MYT1L: variants seen among roughly 807,000 people sequenced by gnomAD.
The protein encoded by MYT1L is myelin transcription factor 1 like.
Under a neutral mutation model 126.7 loss-of-function variants are expected in MYT1L, and 12 were observed. The observed-to-expected ratio is 0.09, with a 90% confidence interval of 0.06 to 0.15. MYT1L has a LOEUF of 0.15. Among genes scored for constraint, MYT1L ranks in the 10% least tolerant of loss-of-function variants. The pLI is 1.00. For missense variants in MYT1L, 979 were observed against 1,585.2 expected (o/e 0.62, Z 6.49); for synonymous variants, 541 against 604.2 (o/e 0.90, Z 1.53).
At chr2:1,844,707 G>A (rs115377393) in intron 19 of MYT1L, among the ~76,000 whole-genome samples, 1,685 of 152,312 alleles carry the variant, frequency 0.011, 16 homozygotes, top group Non-Finnish European at 0.018. Flanking sequence ...TGGGCACAGA[G>A]AAGGAGCTCT....
intron 3 of MYT1L, among the ~76,000 whole-genome samples, chr2:2,161,306 G>T (rs1008988244): frequency 2.0e-5 from 3 of 152,214 alleles, no homozygotes; most frequent in African/African-American, 7.2e-5. Context: ...TTGATAACAA[G>T]AACTTTTTGT....
intron 9 of MYT1L, 88 bp from the exon 10 acceptor site, chr2:1,923,351 C>T (rs567388853): frequency 1.5e-5 from 16 of 1,099,568 alleles, no homozygotes; most frequent in African/African-American, 3.2e-5. Flanking sequence ...ATGGATAGCA[C>T]GTTAACTGCA....
intron 3 of MYT1L, among the ~76,000 whole-genome samples, chr2:2,054,351 C>T (rs1256527186): frequency 6.7e-6 from 1 of 149,472 alleles, no homozygotes; most frequent in African/African-American, 2.5e-5. Context: ...GATGCATGGA[C>T]ATGAAACACT....
At chr2:1,897,542 A>T (rs2049770338) in intron 14 of MYT1L, among the ~76,000 whole-genome samples, 1 of 152,086 alleles carries the variant, frequency 6.6e-6, no homozygotes, top group African/African-American at 2.4e-5. Flanking sequence ...AACTCATTGC[A>T]ATCTCTGCCT....
At chr2:2,328,086 A>G (rs903659790) in intron 1 of MYT1L, among the ~76,000 whole-genome samples, 4 of 152,186 alleles carry the variant, frequency 2.6e-5, no homozygotes, top group Non-Finnish European at 5.9e-5. Flanking sequence ...TATAAATGTA[A>G]AGTATTTATA....
At chr2:2,109,878 T>TATAC (rs2079185539) in intron 3 of MYT1L, among the ~76,000 whole-genome samples, 1 of 15,654 alleles carries the variant, frequency 6.4e-5, no homozygotes, top group African/African-American at 2.5e-4. Flanking sequence ...GCTGATTTTA[T>TATAC]ATATATATAT....
chr2:1,836,650 A>G (rs2040938353), intron 21 of MYT1L, among the ~76,000 whole-genome samples: 2 of 150,196 alleles, frequency 1.3e-5, no homozygotes, highest in Admixed American at 6.6e-5. Flanking sequence ...CCTGGCCCCA[A>G]TATTTCATCA....
intron 1 of MYT1L, among the ~76,000 whole-genome samples, chr2:2,318,160 T>A (rs530359255): frequency 6.6e-6 from 1 of 152,216 alleles, no homozygotes; most frequent in Non-Finnish European, 1.5e-5. Context: ...AAGCATGAAA[T>A]TTACACTATC....
intron 2 of MYT1L, among the ~76,000 whole-genome samples, chr2:2,260,600 C>T (rs975111622): frequency 6.6e-6 from 1 of 152,130 alleles, no homozygotes; most frequent in Non-Finnish European, 1.5e-5. Context: ...TTTCTTTCGA[C>T]CTTTCTGTTT....
chr2:1,908,353 CA>C (rs1396950934), intron 13 of MYT1L, among the ~76,000 whole-genome samples: 1 of 152,108 alleles, frequency 6.6e-6, no homozygotes, highest in African/African-American at 2.4e-5. Context: ...GAGAGCAGGG[CA>C]GCCTGTAGGT....
chr2:2,147,450 C>T (rs1266907127), intron 3 of MYT1L, among the ~76,000 whole-genome samples: 3 of 152,218 alleles, frequency 2.0e-5, no homozygotes, highest in Admixed American at 6.5e-5. Context: ...CAGGAAGGAC[C>T]GTTCCCTCCA....
chr2:2,113,806 C>T (rs1021155216), intron 3 of MYT1L, among the ~76,000 whole-genome samples: 39 of 152,174 alleles, frequency 2.6e-4, no homozygotes, highest in Non-Finnish European at 5.1e-4. Context: ...AATATTACTG[C>T]CTCCATTACA....
In MYT1L at chr2:1,848,109, TGTG is replaced by T. The variant is rs2042739371; in HGVS notation, c.2774+3529_2774+3531del. Among the ~76,000 whole-genome samples, 1 of 152,176 alleles carries T rather than the reference TGTG, an allele frequency of 6.6e-6. No homozygotes were observed. The highest frequency in any genetic ancestry group is 2.4e-5 in the African/African-American group (1 of 41,456). ...TGAAATCGCTAATTCTCAGCGCATC[TGTG>T]GAGATGGTGGAGGACAGCTCCTCAC... On this transcript the variant is annotated intron_variant, in intron 19 of 24. Transcript: ENST00000647738. The surrounding 1 kb of genome is among the most constrained non-coding windows in gnomAD (Gnocchi z 4.8).
At chr2:2,227,225 A>C (rs1177422456) in intron 2 of MYT1L, among the ~76,000 whole-genome samples, 2 of 151,984 alleles carry the variant, frequency 1.3e-5, no homozygotes, top group Non-Finnish European at 2.9e-5. Context: ...TTCTTTGTTG[A>C]TATCATCTGG....
chr2:1,858,110 C>T (rs1169368765), intron 18 of MYT1L, among the ~76,000 whole-genome samples: 3 of 152,222 alleles, frequency 2.0e-5, no homozygotes, highest in Admixed American at 6.5e-5. Flanking sequence ...GTAATCTGCC[C>T]GCCTTGGCCT....
chr2:2,196,520 T>C (rs2092805021), intron 2 of MYT1L, among the ~76,000 whole-genome samples: 2 of 151,308 alleles, frequency 1.3e-5, no homozygotes, highest in Admixed American at 6.6e-5. Flanking sequence ...ATTCAATATA[T>C]ATATCCATAT....
At chr2:2,217,688 C>CAAAAAAAAAAAAAAAAAAAAAAA (rs1192733884) in intron 2 of MYT1L, among the ~76,000 whole-genome samples, 1 of 70,876 alleles carries the variant, frequency 1.4e-5, no homozygotes, top group African/African-American at 7.9e-5. Flanking sequence ...ACAACAACAA[C>CAAAAAAAAAAAAAAAAAAAAAAA]AACAACAACA....
chr2:1,889,270 T>C lies in MYT1L; in HGVS notation c.2491A>G (p.Ile831Val), dbSNP rs988387077. Residue 831 changes from isoleucine to valine, a missense_variant, in exon 16 of 25, where the codon ATA becomes GTA. Ile to Val is a conservative substitution (Grantham distance 29). Transcript: ENST00000647738. This position sits in a 1 kb window ranked among gnomAD's most constrained non-coding sequence, Gnocchi z 4.1. ...ATGTCTTTGGACTCGTCCTCGTCTATCCTCCGGGGTTTCATTTTGGTGTAG... is the reference window on the plus strand; with the variant it reads ...ATGTCTTTGGACTCGTCCTCGTCTACCCTCCGGGGTTTCATTTTGGTGTAG... ...VDYTKMKPRR[I>V]DEDESKDITP... The C allele has an allele frequency of 6.2e-7, 1 of 1,613,954 alleles. No homozygotes were observed. Among genetic ancestry groups the C allele is most frequent in the African/African-American group, 1.3e-5 (1 of 75,038 alleles).
At chr2:2,095,336 A>G (rs1469815540) in intron 3 of MYT1L, among the ~76,000 whole-genome samples, 1 of 152,214 alleles carries the variant, frequency 6.6e-6, no homozygotes, top group Non-Finnish European at 1.5e-5. Context: ...TTATCTGGAG[A>G]GCCAGCAAGG....
Sources: gnomAD v4.1 joint callset for allele counts (sites outside exome capture counted in the v4.1 genomes callset) on GRCh38, gnomAD v4.1.1 for gene constraint, Gnocchi (gnomAD v3.1) non-coding constraint, MANE v1.5 for transcripts, NCBI Gene and HGNC (gene_info 2026-07-23, HGNC 2026-07-21) for gene names.